CSMD1: variants seen among roughly 807,000 people sequenced by gnomAD.
CSMD1 encodes CUB and sushi domain-containing protein 1.
A neutral mutation model predicts 417.5 loss-of-function variants in CSMD1; 213 were observed. The ratio of observed to expected loss-of-function variants is 0.51; its 90% CI spans 0.46 to 0.57. The LOEUF (loss-of-function observed/expected upper bound fraction) is 0.57, where lower values mean the gene tolerates loss of function less well. CSMD1 is among the 20% of genes least tolerant of loss of function. CSMD1 has a pLI of 0.00. For missense variants in CSMD1, 6,923 were observed against 4,529.7 expected, an observed-to-expected ratio of 1.53 and a Z score of -15.17; for synonymous variants, 2,862 against 1,736.8, an observed-to-expected ratio of 1.65 and a Z score of -16.11.
At chr8:3,962,324 G>A (rs1478017883) in intron 5 of CSMD1, among the ~76,000 whole-genome samples, 1 of 88,626 alleles carries the variant, frequency 1.1e-5, no homozygotes, top group African/African-American at 3.6e-5. Context: ...AGCAGTGACA[G>A]ATTATGCAGG....
intron 1 of CSMD1, among the ~76,000 whole-genome samples, chr8:4,712,919 T>A (rs371401360): frequency 9.2e-5 from 14 of 152,302 alleles, no homozygotes; most frequent in African/African-American, 3.4e-4. Context: ...GGGTGCTTGA[T>A]TGACATACAA....
chr8:3,914,673 G>C (rs925651215), intron 5 of CSMD1, among the ~76,000 whole-genome samples: 1 of 152,084 alleles, frequency 6.6e-6, no homozygotes, highest in African/African-American at 2.4e-5. Context: ...TATGCATTAA[G>C]TCAGCTTGGT....
chr8:3,615,967 A>T (rs1053538632), intron 8 of CSMD1, among the ~76,000 whole-genome samples: 1 of 152,220 alleles, frequency 6.6e-6, no homozygotes, highest in Non-Finnish European at 1.5e-5. Flanking sequence ...GTAGCAACAG[A>T]AAATCAGTAT....
intron 9 of CSMD1, among the ~76,000 whole-genome samples, chr8:3,579,732 GA>G (rs1208851921): frequency 6.6e-6 from 1 of 152,120 alleles, no homozygotes; most frequent in African/African-American, 2.4e-5. Flanking sequence ...TATTTAATTA[GA>G]ATAATCATAA....
intron 1 of CSMD1, among the ~76,000 whole-genome samples, chr8:4,759,660 T>C (rs770487381): frequency 7.3e-4 from 111 of 152,086 alleles, no homozygotes; most frequent in Non-Finnish European, 1.4e-3. Context: ...TGAGAATATG[T>C]GGTGTTTGGT....
chr8:3,035,137 C>CA (rs1031313117), intron 50 of CSMD1, among the ~76,000 whole-genome samples: 3 of 152,118 alleles, frequency 2.0e-5, no homozygotes, highest in African/African-American at 7.2e-5. Flanking sequence ...TTCTTTCTAA[C>CA]AAAAATATCT....
Position 4,224,949 on chromosome 8 carries a change from A to C in CSMD1, c.416-192850T>G, listed in dbSNP as rs142501273. On this transcript the variant is annotated intron_variant, in intron 3 of 69. Transcript: ENST00000635120. ...AATATTGTGAAACCCCATCACTAAT[A>C]AAATTAAAAAAAATTAGTTGGGCGT... is the stretch of plus-strand genomic sequence containing the variant. Among the ~76,000 whole-genome samples the C allele has an allele frequency of 1.6e-3, 241 of 152,248 alleles. 2 individuals carry two copies. Among genetic ancestry groups the C allele is most frequent in the African/African-American group, 5.6e-3 (232 of 41,544 alleles).
intron 3 of CSMD1, among the ~76,000 whole-genome samples, chr8:4,204,948 C>T (rs998460812): frequency 1.3e-5 from 2 of 152,168 alleles, no homozygotes; most frequent in African/African-American, 4.8e-5. Context: ...ATGTGAGCCA[C>T]TGAATCTGGC....
At chr8:4,909,570 C>T (rs893896837) in intron 1 of CSMD1, among the ~76,000 whole-genome samples, 1 of 152,084 alleles carries the variant, frequency 6.6e-6, no homozygotes, top group Non-Finnish European at 1.5e-5. Context: ...CTTGACCTGC[C>T]AGAGGTAAGA....
At chr8:4,568,130 G>C (rs1168397515) in intron 2 of CSMD1, among the ~76,000 whole-genome samples, 1 of 152,162 alleles carries the variant, frequency 6.6e-6, no homozygotes, top group Non-Finnish European at 1.5e-5. Context: ...TCACATCTAA[G>C]ATGCTTTGTG....
intron 7 of CSMD1, among the ~76,000 whole-genome samples, chr8:3,665,472 T>C (rs1266559586): frequency 1.3e-5 from 2 of 152,116 alleles, no homozygotes; most frequent in Non-Finnish European, 2.9e-5. Context: ...GAGGTTGCAG[T>C]GAGCCAAGAT....
At chr8:3,652,382 G>T (rs115952758) in intron 7 of CSMD1, among the ~76,000 whole-genome samples, 1 of 152,270 alleles carries the variant, frequency 6.6e-6, no homozygotes, top group African/African-American at 2.4e-5. Flanking sequence ...AGAGCGCTTA[G>T]CACCATCACA....
At chr8:4,923,258 C>A (rs6992647) in intron 1 of CSMD1, among the ~76,000 whole-genome samples, 4 of 151,882 alleles carry the variant, frequency 2.6e-5, no homozygotes, top group Admixed American at 6.6e-5. Context: ...TTTCTTCTAC[C>A]CTTCACACTT....
At chr8:3,504,505 G>A (rs1014097461) in intron 10 of CSMD1, among the ~76,000 whole-genome samples, 4 of 152,124 alleles carry the variant, frequency 2.6e-5, no homozygotes, top group African/African-American at 7.2e-5. Context: ...TTATCCTCAT[G>A]GCAACCCTTC....
At chr8:4,864,872 T>C (rs1390713024) in intron 1 of CSMD1, among the ~76,000 whole-genome samples, 1 of 54,638 alleles carries the variant, frequency 1.8e-5, no homozygotes, top group Non-Finnish European at 4.3e-5. Flanking sequence ...TATTGGATTC[T>C]ACTACACACA....
chr8:2,980,271 T>C (rs1360773004), intron 54 of CSMD1, among the ~76,000 whole-genome samples: 1 of 152,130 alleles, frequency 6.6e-6, no homozygotes, highest in African/African-American at 2.4e-5. Context: ...AGAAACCAAA[T>C]GGCCCCGGGA....
intron 12 of CSMD1, among the ~76,000 whole-genome samples, chr8:3,432,059 T>C (rs1218659712): frequency 1.3e-5 from 2 of 152,168 alleles, no homozygotes; most frequent in African/African-American, 2.4e-5. Context: ...CTGAAAATTA[T>C]AACATAATAA....
chr8:3,553,695 C>T (rs1585353944), intron 10 of CSMD1, among the ~76,000 whole-genome samples: 1 of 152,050 alleles, frequency 6.6e-6, no homozygotes, highest in Admixed American at 6.5e-5. Flanking sequence ...TTTAGTAGGT[C>T]CATAGTTACA....
intron 2 of CSMD1, among the ~76,000 whole-genome samples, chr8:4,533,995 T>G (rs562934593): frequency 5.3e-5 from 8 of 151,146 alleles, no homozygotes; most frequent in Non-Finnish European, 1.0e-4. Context: ...GATTTGTCAG[T>G]CTATAGGTAT....
Sources: gnomAD v4.1 joint callset for allele counts (sites outside exome capture counted in the v4.1 genomes callset) on GRCh38, gnomAD v4.1.1 for gene constraint, MANE v1.5 for transcripts, NCBI Gene and HGNC (gene_info 2026-07-23, HGNC 2026-07-21) for gene names.